CIZ1: variants seen among roughly 807,000 people sequenced by gnomAD.
CIZ1 encodes the protein CDKN1A interacting zinc finger protein 1.
In CIZ1, 58 loss-of-function variants were observed where a neutral mutation model predicts 118.6. That is an observed-to-expected ratio of 0.49 (90% CI 0.40 to 0.61). The LOEUF is 0.61. Among genes scored for constraint, CIZ1 ranks in the 20% least tolerant of loss-of-function variants. The probability of loss-of-function intolerance (pLI) is 0.00; values close to 1 mark genes in which losing one functional copy is unlikely to be tolerated. For synonymous variants in CIZ1, 448 were observed against 443.4 expected (o/e 1.01, Z -0.13); for missense variants, 921 against 1,115.9 (o/e 0.83, Z 2.49).
upstream of CIZ1, among the ~76,000 whole-genome samples, chr9:128,194,826 C>T (rs1286822195): frequency 6.7e-6 from 1 of 149,766 alleles, no homozygotes; most frequent in African/African-American, 2.5e-5. Context: ...CAAAACAAAA[C>T]AAAAAAAAAG....
Position 128,177,647 on chromosome 9 carries a change from G to T in CIZ1, c.1737C>A (p.Thr579=). 12 of 1,590,180 alleles carry T rather than the reference G, an allele frequency of 7.5e-6. No individual in the cohort carries two copies. The highest frequency in any genetic ancestry group is 1.0e-5 in the Non-Finnish European group (12 of 1,168,652). Residue 579 remains threonine (T), a synonymous_variant, in exon 10 of 17, where the codon ACC becomes ACA. Coordinates refer to ENST00000372938, the MANE Select transcript of CIZ1 (RefSeq NM_001131016.2). ...VPRPSDSVSS[T]PAATSTPSKQ... is the part of the protein sequence containing the mutation. ...TAGAGGGAGTGCTGGTAGCCGCAGGGGTGGAGGAGACGGAGTCACTGGGGC... is the reference window on the plus strand; with the variant it reads ...TAGAGGGAGTGCTGGTAGCCGCAGGTGTGGAGGAGACGGAGTCACTGGGGC...
At position 128,185,622 on chromosome 9, in the gene CIZ1, A is replaced by G. The variant is rs373842318; in HGVS notation, c.513T>C (p.Pro171=). ...GPPPVGVPMN[P]SQFNLSGRNP... ...TCCGTCCTGAAAGGTTGAACTGGGA[A>G]GGGTTCATGGGGACCCCAACAGGAG... The change falls in exon 5 of 17, where the codon CCT becomes CCC. Residue 171 remains proline, a synonymous_variant. Coordinates refer to ENST00000372938, the MANE Select transcript of CIZ1 (RefSeq NM_001131016.2). The G allele has an allele frequency of 6.4e-7, 1 of 1,553,580 alleles. No individual in the cohort carries two copies. Among genetic ancestry groups the G allele is most frequent in the Non-Finnish European group, 8.7e-7 (1 of 1,149,422 alleles).
chr9:128,190,643 C>T (rs1244323233), intron 2 of CIZ1, 45 bp downstream of exon 2: 1 of 1,537,776 alleles, frequency 6.5e-7, no homozygotes, highest in African/African-American at 1.4e-5. Context: ...AGACATGGGT[C>T]TGAGTAGCAA....
chr9:128,197,746 T>C lies in CIZ1; in HGVS notation c.-6+6440A>G, dbSNP rs144030567. ...CCTTCGCAACACCGGAGAAGTTTCT[T>C]TGGACAGTGCAATGGTGATGATGGT... On this transcript the variant is annotated intron_variant, in intron 1 of 17. Coordinates refer to the CIZ1 transcript ENST00000372948. 61 of 152,394 alleles carry C rather than the reference T, an allele frequency of 4.0e-4. 1 individual carries two copies. The highest frequency in any genetic ancestry group is 1.1e-3 in the Admixed American group (17 of 15,302). The allele number at this position is 152,394 out of a possible 1,614,324, so 9.4% of individuals were successfully genotyped here. A position where few individuals can be genotyped will look rare whatever the true frequency, so the allele number is the denominator to read the frequency against.
At chr9:128,192,964 C>T (rs1833261187), upstream of CIZ1, among the ~76,000 whole-genome samples, 1 of 152,198 alleles carries the variant, frequency 6.6e-6, no homozygotes, top group South Asian at 2.1e-4. Flanking sequence ...GGGGCACTGG[C>T]GGCGCGCAGA....
upstream of CIZ1, among the ~76,000 whole-genome samples, chr9:128,192,178 C>T (rs961904700): frequency 2.0e-5 from 3 of 152,030 alleles, no homozygotes; most frequent in Non-Finnish European, 4.4e-5. Context: ...TCAAGACCAG[C>T]CTGGGCAAAA....
At chr9:128,201,757 A>G (rs548411958) in intron 1 of CIZ1, among the ~76,000 whole-genome samples, 9 of 152,306 alleles carry the variant, frequency 5.9e-5, no homozygotes, top group African/African-American at 1.9e-4. Context: ...CATTTGATCT[A>G]TTATTATCCC....
intron 2 of CIZ1, 94 bp from the exon 3 acceptor site, chr9:128,190,538 G>A: frequency 7.4e-7 from 1 of 1,357,464 alleles, no homozygotes; most frequent in Non-Finnish European, 1.0e-6. Flanking sequence ...GCCCCACTCT[G>A]TGGTAGACAG....
chr9:128,174,030 A>AAC (rs1554754835), intron 11 of CIZ1, among the ~76,000 whole-genome samples: 18,097 of 149,538 alleles, frequency 0.12, 2,013 homozygotes, highest in East Asian at 0.43. Flanking sequence ...AAAACAAAAA[A>AAC]AAAAAACAAA....
intron 1 of CIZ1, among the ~76,000 whole-genome samples, chr9:128,199,668 G>T (rs569503601): frequency 6.6e-6 from 1 of 151,932 alleles, no homozygotes; most frequent in Non-Finnish European, 1.5e-5. Context: ...TTGTGCTACT[G>T]CACTCCAGTC....
intron 11 of CIZ1, among the ~76,000 whole-genome samples, chr9:128,172,967 T>C (rs1232224002): frequency 6.6e-6 from 1 of 152,168 alleles, no homozygotes; most frequent in Non-Finnish European, 1.5e-5. Flanking sequence ...TTCTTAATAC[T>C]GCTGCAAGCA....
At chr9:128,171,466 G>A (rs886505828) in intron 11 of CIZ1, among the ~76,000 whole-genome samples, 2 of 151,478 alleles carry the variant, frequency 1.3e-5, no homozygotes, top group Non-Finnish European at 2.9e-5. Flanking sequence ...GGTGGCTCAC[G>A]CCTGTAATCC....
chr9:128,179,021 C>T lies in CIZ1; in HGVS notation c.1186G>A (p.Glu396Lys). The part of the protein sequence containing the change: ...QGPRQVQLQQ[E>K]AEPLKQVQPQ... Reference sequence around the variant, plus strand: ...TGCACCTGCTTCAGCGGCTCTGCCTCCTGCTGCAGCTGCACCTGCCTTGGG... The same window carrying T: ...TGCACCTGCTTCAGCGGCTCTGCCTTCTGCTGCAGCTGCACCTGCCTTGGG... Residue 396 changes from glutamate (E) to lysine (K), a missense_variant, in exon 8 of 17, where the codon GAG becomes AAG. Transcript: ENST00000372938. The T allele has an allele frequency of 6.2e-7, 1 of 1,612,430 alleles. No individual in the cohort carries two copies. Among genetic ancestry groups the T allele is most frequent in the Non-Finnish European group, 8.5e-7 (1 of 1,178,760 alleles).
At chr9:128,189,717 A>T (rs1019657660) in intron 3 of CIZ1, among the ~76,000 whole-genome samples, 2 of 150,562 alleles carry the variant, frequency 1.3e-5, no homozygotes, top group Admixed American at 1.3e-4. Flanking sequence ...CTACTCGGGA[A>T]GCTAAGGCAG....
intron 5 of CIZ1, among the ~76,000 whole-genome samples, chr9:128,182,010 T>C (rs1831715565): frequency 2.0e-5 from 3 of 152,242 alleles, no homozygotes; most frequent in Admixed American, 1.3e-4. Flanking sequence ...GTCCCTGATA[T>C]GCAGAAATAA....
intron 11 of CIZ1, among the ~76,000 whole-genome samples, chr9:128,171,017 C>T (rs186781416): frequency 2.0e-4 from 30 of 151,972 alleles, no homozygotes; most frequent in African/African-American, 7.2e-4. Flanking sequence ...GTCCTAGCTG[C>T]TCAGAAGCTG....
chr9:128,166,399 T>C lies in CIZ1; in HGVS notation c.2495A>G (p.Lys832Arg). ...LGHFENLQKY[K>R]AAKNPSPTTR... is the part of the protein sequence containing the mutation. ...GGTGGGGCTGGGGTTCTTGGCCGCC[T>C]TGTATTTCTGGATACAGAAGGTGCA... is the stretch of plus-strand genomic sequence containing the variant. Residue 832 changes from lysine (K) to arginine (R), a missense_variant, in exon 17 of 17, where the codon AAG becomes AGG. Lys to Arg is a conservative substitution (Grantham distance 26). Coordinates refer to ENST00000372938, the MANE Select transcript of CIZ1 (RefSeq NM_001131016.2). This position sits in a 1 kb window ranked among gnomAD's most constrained non-coding sequence, Gnocchi z 4.4. 6.5e-7 allele frequency: 1 copy of C among 1,533,854 alleles called. No individual in the cohort carries two copies. The highest frequency in any genetic ancestry group is 8.8e-7 in the Non-Finnish European group (1 of 1,136,638).
Position 128,179,014 on chromosome 9 carries a change from T to C in CIZ1, c.1193A>G (p.Glu398Gly), listed in dbSNP as rs1321796512. 1 of 1,611,634 alleles carries C rather than the reference T, an allele frequency of 6.2e-7. No homozygotes were observed. The highest frequency in any genetic ancestry group is 2.2e-5 in the East Asian group (1 of 44,536). ...PRQVQLQQEA[E>G]PLKQVQPQVQ... ...CTGTGGCTGCACCTGCTTCAGCGGC[T>C]CTGCCTCCTGCTGCAGCTGCACCTG... Residue 398 changes from glutamate (E) to glycine (G), a missense_variant, in exon 8 of 17, where the codon GAG (glutamate) becomes GGG (glycine). Transcript: ENST00000372938.
At chr9:128,169,340 C>G (rs1393339198) in intron 13 of CIZ1, 66 bp downstream of exon 13, 3 of 1,392,398 alleles carry the variant, frequency 2.2e-6, no homozygotes, top group Non-Finnish European at 3.0e-6. Flanking sequence ...CCTCAACTTG[C>G]TACACAGCCT....
Sources: allele counts gnomAD v4.1 joint callset (sites outside exome capture counted in the v4.1 genomes callset), GRCh38; gene constraint gnomAD v4.1.1; non-coding constraint Gnocchi (gnomAD v3.1); transcripts MANE v1.5; gene names NCBI Gene and HGNC (gene_info 2026-07-23, HGNC 2026-07-21).